CLEC16A: variants seen among roughly 807,000 people sequenced by gnomAD.
CLEC16A encodes protein CLEC16A.
CLEC16A carries 51 observed loss-of-function variants against 109.5 expected under a neutral mutation model. That is an observed-to-expected ratio of 0.47 (90% confidence interval 0.37 to 0.59). The LOEUF is 0.59. Among genes scored for constraint, CLEC16A ranks in the 20% least tolerant of loss-of-function variants. CLEC16A has a pLI of 0.00. For synonymous variants in CLEC16A, 673 were observed against 564.2 expected, an observed-to-expected ratio of 1.19 and a Z score of -2.73; for missense variants, 1,339 against 1,394.0, an observed-to-expected ratio of 0.96 and a Z score of 0.63.
At chr16:11,067,208 T>A (rs1887076454) in intron 19 of CLEC16A, among the ~76,000 whole-genome samples, 1 of 147,628 alleles carries the variant, frequency 6.8e-6, no homozygotes, top group East Asian at 2.0e-4. Context: ...TTTTTTTTTT[T>A]TTAAAAAAAG....
At chr16:11,128,563 T>C (rs1283414545) in intron 22 of CLEC16A, among the ~76,000 whole-genome samples, 1 of 152,170 alleles carries the variant, frequency 6.6e-6, no homozygotes, top group Non-Finnish European at 1.5e-5. Context: ...AGGAGTGAGA[T>C]GGAGACATTC....
chr16:11,141,079 G>A (rs139700067), intron 22 of CLEC16A, among the ~76,000 whole-genome samples: 116 of 152,368 alleles, frequency 7.6e-4, no homozygotes, highest in African/African-American at 2.5e-3. Flanking sequence ...CAAGCTCAGG[G>A]GTGGCAAGCC....
chr16:11,120,223 G>A (rs545184456), intron 19 of CLEC16A, among the ~76,000 whole-genome samples: 2 of 152,318 alleles, frequency 1.3e-5, no homozygotes, highest in South Asian at 4.1e-4. Flanking sequence ...CACCTGCCTT[G>A]GCCTCCCAAA....
At position 10,944,610 on chromosome 16, in the gene CLEC16A, A is replaced by ACCGCCTCCG; in HGVS notation, c.-102_-94dup. On this transcript the variant is annotated 5_prime_UTR_variant, in exon 1 of 24. Transcript: ENST00000409790. ...GAGGAAGGCGGCTCGCGGTTCCTCC[A>ACCGCCTCCG]CCGCCTCCGCCGCCGCATCCTCCGC... 2.7e-6 allele frequency: 3 copies of ACCGCCTCCG among 1,108,534 alleles called. No individual in the cohort carries two copies. Among genetic ancestry groups the ACCGCCTCCG allele is most frequent in the Non-Finnish European group, 2.6e-6 (2 of 772,306 alleles). 68.7% of individuals were successfully genotyped at this position (1,108,534 alleles called of 1,614,324 possible).
At position 11,024,698 on chromosome 16, in the gene CLEC16A, G is replaced by C. The variant is rs896498464; in HGVS notation, c.1437-123G>C. The C allele has an allele frequency of 8.6e-6, 6 of 696,226 alleles. No homozygotes were observed. The East Asian group carries it at 1.4e-4, about 16-fold the overall frequency. The allele number at this position is 696,226 out of a possible 1,614,324, so 43.1% of individuals were successfully genotyped here. A position where few individuals can be genotyped will look rare whatever the true frequency, so the allele number is the denominator to read the frequency against. ...GTCCTCAGTGCGTGGTGCTGGACCA[G>C]GCACACAGTTGTGGCCTAAAGAGCT... On this transcript the variant is annotated intron_variant, in intron 12 of 23. Coordinates refer to ENST00000409790, the MANE Select transcript of CLEC16A (RefSeq NM_015226.3).
chr16:11,045,441 C>G (rs1308756300), intron 16 of CLEC16A, among the ~76,000 whole-genome samples: 4 of 152,178 alleles, frequency 2.6e-5, no homozygotes, highest in African/African-American at 9.7e-5. Context: ...GGCTCACTTT[C>G]TCATAGATGG....
intron 22 of CLEC16A, among the ~76,000 whole-genome samples, chr16:11,145,819 G>T (rs1051401751): frequency 6.6e-6 from 1 of 152,228 alleles, no homozygotes. Context: ...TCCTTTCAGG[G>T]TGTGAGTCGG....
intron 22 of CLEC16A, among the ~76,000 whole-genome samples, chr16:11,146,469 T>A (rs2054060878): frequency 7.2e-6 from 1 of 138,512 alleles, no homozygotes; most frequent in Non-Finnish European, 1.5e-5. Context: ...AGAGGATGGA[T>A]AAATGGGTAA....
intron 22 of CLEC16A, among the ~76,000 whole-genome samples, chr16:11,128,144 A>C (rs775029591): frequency 2.1e-4 from 32 of 152,240 alleles, no homozygotes; most frequent in Non-Finnish European, 3.2e-4. Flanking sequence ...TACTGGTTAA[A>C]GAGAAAAGCC....
chr16:11,106,194 T>C (rs1191675018), intron 19 of CLEC16A, among the ~76,000 whole-genome samples: 2 of 152,208 alleles, frequency 1.3e-5, no homozygotes, highest in African/African-American at 4.8e-5. Context: ...AAAAATTTTA[T>C]TTTGAAACCT....
chr16:11,006,915 A>C (rs567229880), intron 11 of CLEC16A, among the ~76,000 whole-genome samples: 52 of 152,046 alleles, frequency 3.4e-4, no homozygotes, highest in Non-Finnish European at 6.2e-4. Flanking sequence ...AGGGCCCCTA[A>C]ATTTGCAGAA....
intron 10 of CLEC16A, among the ~76,000 whole-genome samples, chr16:10,990,089 T>C (rs1362150267): frequency 6.6e-6 from 1 of 152,170 alleles, no homozygotes; most frequent in Non-Finnish European, 1.5e-5. Flanking sequence ...TGGGAGAAGG[T>C]TGATTGTGAA....
chr16:11,038,039 C>T (rs535815324), intron 13 of CLEC16A, among the ~76,000 whole-genome samples: 2 of 152,160 alleles, frequency 1.3e-5, no homozygotes, highest in Admixed American at 6.5e-5. Context: ...ATTTGTGGGG[C>T]GTTTTGGGGC....
intron 19 of CLEC16A, among the ~76,000 whole-genome samples, chr16:11,076,356 C>G (rs1020598678): frequency 1.3e-5 from 2 of 152,226 alleles, no homozygotes. Flanking sequence ...TCCTTGACAA[C>G]ATCTGGCTGA....
At position 10,977,131 on chromosome 16, in the gene CLEC16A, G is replaced by C; in HGVS notation, c.729-94G>C. ...TTGAGACTAACTCAAATATGTGGAT[G>C]AACTCACAGTGACCTAAGTCTCAGG... On this transcript the variant is annotated intron_variant, in intron 7 of 23. Coordinates refer to ENST00000409790, the MANE Select transcript of CLEC16A (RefSeq NM_015226.3). 1.1e-5 allele frequency: 12 copies of C among 1,139,848 alleles called. No individual in the cohort carries two copies. In the South Asian group the frequency reaches 1.7e-4, roughly 16 times the overall value. 70.6% of individuals were successfully genotyped at this position (1,139,848 alleles called of 1,614,324 possible).
At chr16:11,161,854 A>T (rs2054733094) in intron 22 of CLEC16A, among the ~76,000 whole-genome samples, 1 of 152,188 alleles carries the variant, frequency 6.6e-6, no homozygotes, top group Admixed American at 6.5e-5. Context: ...CACACATATA[A>T]CATAAATAAG....
chr16:11,009,409 C>T lies in CLEC16A; in HGVS notation c.1303+6104C>T, dbSNP rs139777426. On this transcript the variant is annotated intron_variant, in intron 11 of 23. Transcript: ENST00000409790. ...TAATGCCGCTATAAACATGGGTATA[C>T]AAATCCATTCCTGCCTTTGAGGCTT... Among the ~76,000 whole-genome samples the T allele has an allele frequency of 2.4e-4, 36 of 152,284 alleles. No homozygotes were observed. In the East Asian group the frequency reaches 6.5e-3, roughly 28 times the overall value.
At chr16:11,021,962 T>TA (rs1335887569) in intron 12 of CLEC16A, among the ~76,000 whole-genome samples, 2 of 152,184 alleles carry the variant, frequency 1.3e-5, no homozygotes, top group African/African-American at 2.4e-5. Context: ...AAAAAAGGGT[T>TA]AAAAAAACAG....
chr16:10,977,123 A>G, intron 7 of CLEC16A, 102 bp from the exon 8 acceptor site: 2 of 1,074,020 alleles, frequency 1.9e-6, no homozygotes, highest in South Asian at 1.5e-5. Context: ...TAACTCAAAT[A>G]TGTGGATGAA....
Sources: gnomAD v4.1 joint callset for allele counts (sites outside exome capture counted in the v4.1 genomes callset) on GRCh38, gnomAD v4.1.1 for gene constraint, MANE v1.5 for transcripts, NCBI Gene and HGNC (gene_info 2026-07-23, HGNC 2026-07-21) for gene names.